Variants in ZNF3 observed in about 807,000 individuals in gnomAD.
ZNF3 encodes the protein C2-H2 type zinc finger protein.
A neutral mutation model predicts 36.9 loss-of-function variants in ZNF3; 16 were observed. That is an observed-to-expected ratio of 0.43 (90% CI 0.29 to 0.66). The LOEUF (loss-of-function observed/expected upper bound fraction) is 0.66, where lower values mean the gene tolerates loss of function less well. ZNF3 is among the 30% of genes least tolerant of loss of function. The pLI is 0.13. For synonymous variants in ZNF3, 201 were observed against 201.9 expected (o/e 1.00, Z 0.04); for missense variants, 462 against 543.1 (o/e 0.85, Z 1.48).
chr7:100,064,270 C>T, exon 6 of ZNF3: 2 of 1,614,134 alleles, frequency 1.2e-6, no homozygotes, highest in Non-Finnish European at 1.7e-6. Context: ...AGAAGAGGCG[C>T]CATATCAGTG....
Position 100,071,684 on chromosome 7 carries a change from C to T in ZNF3, c.800G>A (p.Cys267Tyr). 2 of 1,612,304 alleles carry T rather than the reference C, an allele frequency of 1.2e-6. No homozygotes were observed. Among genetic ancestry groups the T allele is most frequent in the Non-Finnish European group, 1.7e-6 (2 of 1,179,660 alleles). ...CCGATGCAGAATGAGGGCAGAGCTA[C>T]AGCTGAAGGTTTTCCCACAATCACT... ...ECSDCGKTFS[C>Y]SSALILHRRI... Residue 267 changes from cysteine (C) to tyrosine (Y), a missense_variant, in exon 6 of 6, where the codon TGT becomes TAT. Physicochemically the swap from Cys to Tyr is radical, Grantham distance 194. Coordinates refer to ENST00000299667, the MANE Select transcript of ZNF3 (RefSeq NM_032924.5).
At chr7:100,078,628 C>A (rs1194348413) in intron 2 of ZNF3, 1 of 152,238 alleles carries the variant, frequency 6.6e-6, no homozygotes, top group Non-Finnish European at 1.5e-5. Flanking sequence ...GCAGAGGTGG[C>A]AGTGACCCAA....
At chr7:100,064,572 T>G in exon 6 of ZNF3, 1 of 1,614,198 alleles carries the variant, frequency 6.2e-7, no homozygotes, top group Non-Finnish European at 8.5e-7. Context: ...AGTCCAATCT[T>G]TCCAAACATC....
At chr7:100,077,010 G>A (rs1032598205) in intron 3 of ZNF3, 6 of 239,392 alleles carry the variant, frequency 2.5e-5, no homozygotes, top group Non-Finnish European at 5.2e-5. Context: ...GGCGGAGGTT[G>A]CAGTGAGCCG....
exon 6 of ZNF3, chr7:100,064,886 G>T: frequency 6.2e-7 from 1 of 1,602,346 alleles, no homozygotes; most frequent in South Asian, 1.1e-5. Context: ...ATTACCTTTT[G>T]CGTAGTTAAA....
chr7:100,074,339 C>T (rs548854393), intron 5 of ZNF3, among the ~76,000 whole-genome samples: 13 of 152,264 alleles, frequency 8.5e-5, no homozygotes, highest in African/African-American at 1.7e-4. Context: ...AATGCCATCT[C>T]GGCTCACTGC....
Position 100,077,445 on chromosome 7 carries a change from A to G in ZNF3, c.-76-12T>C, listed in dbSNP as rs1308810603. 17 of 1,606,818 alleles carry G rather than the reference A, an allele frequency of 1.1e-5. No homozygotes were observed. The highest frequency in any genetic ancestry group is 1.4e-5 in the Non-Finnish European group (17 of 1,175,898). On this transcript the variant is annotated splice_polypyrimidine_tract_variant and intron_variant, in intron 2 of 5. Transcript: ENST00000299667. The stretch of plus-strand genomic sequence containing the variant: ...AGAATGAGGAAGCACTGCAGAAGCA[A>G]AAGTTCAAGGTTCAAAGATAATTCA...
exon 6 of ZNF3, chr7:100,064,073 C>A: frequency 6.2e-7 from 1 of 1,614,138 alleles, no homozygotes; most frequent in Admixed American, 1.7e-5. Context: ...TCAAATCTCA[C>A]CAAACACAGG....
Position 100,071,841 on chromosome 7 carries a change from G to C in ZNF3, c.643C>G (p.Leu215Val). 3 of 1,614,016 alleles carry C rather than the reference G, an allele frequency of 1.9e-6. No individual in the cohort carries two copies. The highest frequency in any genetic ancestry group is 2.5e-6 in the Non-Finnish European group (3 of 1,179,928). ...CSKSFNRTSD[L>V]IQHQRIHTGE... is the part of the protein sequence containing the mutation. ...GTGTGGATTCTCTGATGTTGAATAA[G>C]GTCTGAAGTTCGATTAAAGCTCTTG... Residue 215 changes from leucine (L) to valine (V), a missense_variant, in exon 6 of 6, where the codon CTT becomes GTT. Transcript: ENST00000299667.
Position 100,064,736 on chromosome 7 carries a change from G to C in ZNF3, c.*52C>G, listed in dbSNP as rs568211993. 160 of 1,613,078 alleles carry C rather than the reference G, an allele frequency of 9.9e-5. 1 individual carries two copies. The East Asian group carries it at 3.3e-3, about 33-fold the overall frequency. ...ATAGAGTTTGTATCACTCAACATCA[G>C]GGGATGCCTGAGGAGTGCGAGCTCC... is the stretch of plus-strand genomic sequence containing the variant. On this transcript the variant is annotated 3_prime_UTR_variant, in exon 6 of 6. Coordinates refer to the ZNF3 transcript ENST00000413658.
At chr7:100,075,041 C>G in intron 5 of ZNF3, 94 bp downstream of exon 5, 5 of 1,479,934 alleles carry the variant, frequency 3.4e-6, no homozygotes, top group Middle Eastern at 2.4e-4. Context: ...AAAAAATCTG[C>G]TGAAACAGCT....
At position 100,064,690 on chromosome 7, in the gene ZNF3, G is replaced by A. The variant is rs149658742; in HGVS notation, c.*98C>T. 70 of 1,605,838 alleles carry A rather than the reference G, an allele frequency of 4.4e-5. No homozygotes were observed. The African/African-American group carries it at 7.8e-4, about 18-fold the overall frequency. ...AAAACCAGAAAGAAGTCTTGTCATT[G>A]CAGCAGCATCGATTCCGGTGATAGA... On this transcript the variant is annotated 3_prime_UTR_variant, in exon 6 of 6. Transcript: ENST00000413658.
downstream of ZNF3, among the ~76,000 whole-genome samples, chr7:100,068,657 T>A (rs1469611575): frequency 6.6e-6 from 1 of 150,848 alleles, no homozygotes; most frequent in Non-Finnish European, 1.5e-5. Context: ...AAAATGGCAA[T>A]CTATAAAGTA....
At chr7:100,069,833 G>C, downstream of ZNF3, 1 of 588,308 alleles carries the variant, frequency 1.7e-6, no homozygotes, top group Non-Finnish European at 2.1e-6. Flanking sequence ...GGCTGGTCTA[G>C]AACTCCAGAC....
At chr7:100,069,599 A>ATAGT (rs1792835746), downstream of ZNF3, among the ~76,000 whole-genome samples, 4 of 149,700 alleles carry the variant, frequency 2.7e-5, no homozygotes, top group Admixed American at 2.7e-4. Context: ...AATTCCATTT[A>ATAGT]TAGTTACCAA....
chr7:100,063,916 T>C (rs761989633), downstream of ZNF3: 8 of 1,614,098 alleles, frequency 5.0e-6, no homozygotes, highest in Middle Eastern at 3.3e-4. Context: ...AGAGAGGCAG[T>C]GCGTAAACCT....
rs779020948 is a variant in ZNF3, at chr7:100,071,500, A to T, written c.984T>A (p.Ile328=). 1 of 1,613,678 alleles carries T rather than the reference A, an allele frequency of 6.2e-7. No individual in the cohort carries two copies. The highest frequency in any genetic ancestry group is 8.5e-7 in the Non-Finnish European group (1 of 1,179,996). The change falls in exon 6 of 6, where the codon ATT becomes ATA. Residue 328 remains isoleucine, a synonymous_variant. Transcript: ENST00000299667. ...GKAFSRSSTL[I]HHQRIHTGEK... is the part of the protein sequence containing the mutation. ...CTCCAGTGTGGATTCTCTGATGGTG[A>T]ATAAGGGTTGAGCTCCTGCTGAAGG...
At position 100,071,870 on chromosome 7, in the gene ZNF3, C is replaced by T; in HGVS notation, c.614G>A (p.Cys205Tyr). The change falls in exon 6 of 6, where the codon TGT (cysteine) becomes TAT (tyrosine). Residue 205 changes from cysteine (C) to tyrosine (Y), a missense_variant. By Grantham distance (194) the Cys-to-Tyr change is radical. Coordinates refer to ENST00000299667, the MANE Select transcript of ZNF3 (RefSeq NM_032924.5). ...TGAAGTTCGATTAAAGCTCTTGCTA[C>T]ATTCATCACACTTATGGGGTCTGTC... is the stretch of plus-strand genomic sequence containing the variant. ...VGDRPHKCDE[C>Y]SKSFNRTSDL... 3 of 1,614,134 alleles carry T rather than the reference C, an allele frequency of 1.9e-6. No individual in the cohort carries two copies. The highest frequency in any genetic ancestry group is 2.5e-6 in the Non-Finnish European group (3 of 1,179,994).
downstream of ZNF3, among the ~76,000 whole-genome samples, chr7:100,069,460 G>A (rs1347402225): frequency 7.2e-5 from 11 of 151,728 alleles, no homozygotes; most frequent in East Asian, 1.4e-3. Flanking sequence ...ACTGAGGCAC[G>A]GGAAGTGCTT....
Sources: gnomAD v4.1 joint callset for allele counts (sites outside exome capture counted in the v4.1 genomes callset) on GRCh38, gnomAD v4.1.1 for gene constraint, MANE v1.5 for transcripts, NCBI Gene and HGNC (gene_info 2026-07-23, HGNC 2026-07-21) for gene names.